COG4: variants seen among roughly 807,000 people sequenced by gnomAD.
COG4 encodes the protein conserved oligomeric Golgi complex subunit 4.
COG4 carries 65 observed loss-of-function variants against 95.1 expected under a neutral mutation model. The observed-to-expected ratio is 0.68, with a 90% confidence interval of 0.56 to 0.84. The LOEUF is 0.84. Among genes scored for constraint, COG4 ranks in the 40% least tolerant of loss-of-function variants. COG4 has a pLI of 0.00. For missense variants in COG4, 1,045 were observed against 989.1 expected (o/e 1.06, Z -0.76); for synonymous variants, 421 against 374.8 (o/e 1.12, Z -1.42).
intron 12 of COG4, among the ~76,000 whole-genome samples, chr16:70,494,554 T>C (rs1277691809): frequency 1.3e-5 from 2 of 152,180 alleles, no homozygotes; most frequent in Non-Finnish European, 2.9e-5. Flanking sequence ...ACTGTGTTAA[T>C]GGGAGGTCCT....
At chr16:70,495,225 T>C (rs1040535920) in intron 12 of COG4, among the ~76,000 whole-genome samples, 6 of 145,912 alleles carry the variant, frequency 4.1e-5, no homozygotes, top group African/African-American at 1.3e-4. Context: ...ACCCAGTCTT[T>C]ACTAAAAAAA....
intron 5 of COG4, 113 bp from the exon 6 acceptor site, chr16:70,510,134 T>G: frequency 1.2e-6 from 1 of 848,022 alleles, no homozygotes; most frequent in Middle Eastern, 3.0e-4. Context: ...ACATTTCCCT[T>G]GATGTCTGGA....
At chr16:70,484,863 C>T (rs1359020846) in intron 13 of COG4, among the ~76,000 whole-genome samples, 2 of 152,128 alleles carry the variant, frequency 1.3e-5, no homozygotes, top group Non-Finnish European at 2.9e-5. Context: ...TGCCACTGCA[C>T]TCCAGCCCGG....
intron 14 of COG4, 106 bp from the exon 15 acceptor site, chr16:70,482,927 C>T (rs1309387701): frequency 4.9e-6 from 4 of 816,154 alleles, no homozygotes; most frequent in Non-Finnish European, 8.3e-6. Context: ...TCCCTTTCCT[C>T]TCCTCTCCCC....
At chr16:70,514,605 A>G in intron 3 of COG4, 96 bp from the exon 4 acceptor site, 1 of 982,142 alleles carries the variant, frequency 1.0e-6, no homozygotes, top group South Asian at 1.3e-5. Context: ...CTGATCAACC[A>G]TATGTCAATA....
rs758672690 is a variant in COG4 at position 70,483,907 on chromosome 16, G to A, written c.1773C>T (p.Asp591=). The A allele has an allele frequency of 6.2e-6, 10 of 1,613,386 alleles. No individual in the cohort carries two copies. The highest frequency in any genetic ancestry group is 7.6e-6 in the Non-Finnish European group (9 of 1,180,020). ...IGGEQAQAKF[D]SCLSDLAAVS... is the part of the protein sequence containing the mutation. ...CGGCGGCCAAGTCAGAAAGGCAGCT[G>A]TCAAACTTGGCCTGGGCCTGCTCCC... The change falls in exon 14 of 19, where the codon GAC becomes GAT. Residue 591 remains aspartate (D), a synonymous_variant. Coordinates refer to ENST00000323786, the MANE Select transcript of COG4 (RefSeq NM_015386.3).
Position 70,481,458 on chromosome 16 carries a change from C to G in COG4, c.2136G>C (p.Leu712=). ...TGGTAAGGTAGGCAATGAGCGACCT[C>G]AGCTCCTTGTCAAACTGCAGACCAC... ...RLGGLQFDKE[L]RSLIAYLTTV... is the part of the protein sequence containing the mutation. The change falls in exon 18 of 19, where the codon CTG becomes CTC. Residue 712 remains leucine, a synonymous_variant. Transcript: ENST00000323786. 6.2e-7 allele frequency: 1 copy of G among 1,612,816 alleles called. No individual in the cohort carries two copies. The highest frequency in any genetic ancestry group is 8.5e-7 in the Non-Finnish European group (1 of 1,179,996).
Position 70,481,817 on chromosome 16 carries a change from T to A in COG4, c.2053A>T (p.Ser685Cys). 1 of 1,614,072 alleles carries A rather than the reference T, an allele frequency of 6.2e-7. No individual in the cohort carries two copies. The highest frequency in any genetic ancestry group is 8.5e-7 in the Non-Finnish European group (1 of 1,180,024). ...IYDSLTGLMT[S>C]LVAVELEKVV... ...TTCTCCAACTCGACGGCAACAAGGC[T>A]AGTCATGAGGCCGGTTAGGCTGTCG... Residue 685 changes from serine (S) to cysteine (C), a missense_variant, in exon 17 of 19, where the codon AGC (serine) becomes TGC (cysteine). By Grantham distance (112) the Ser-to-Cys change is moderately radical. Coordinates refer to ENST00000323786, the MANE Select transcript of COG4 (RefSeq NM_015386.3).
In COG4 at chr16:70,480,788, C is replaced by T. The variant is rs1016904073; in HGVS notation, c.*222G>A. ...TGGCTTTCCCACCTCATTAGGAGCC[C>T]GCTTCTCTCGGTGGGGAGATGCTGC... On this transcript the variant is annotated 3_prime_UTR_variant, in exon 19 of 19. Coordinates refer to ENST00000323786, the MANE Select transcript of COG4 (RefSeq NM_015386.3). The T allele has an allele frequency of 1.5e-5, 9 of 581,976 alleles. No homozygotes were observed. Among genetic ancestry groups the T allele is most frequent in the Middle Eastern group, 4.7e-4 (1 of 2,138 alleles). 36.1% of individuals were successfully genotyped at this position (581,976 alleles called of 1,614,324 possible).
In COG4 at chr16:70,498,045, C is replaced by T. The variant is rs776689995; in HGVS notation, c.1206G>A (p.Lys402=). 3 of 1,608,214 alleles carry T rather than the reference C, an allele frequency of 1.9e-6. No individual in the cohort carries two copies. Among genetic ancestry groups the T allele is most frequent in the Non-Finnish European group, 2.6e-6 (3 of 1,174,614 alleles). Residue 402 remains lysine (K), a synonymous_variant, in exon 10 of 19, where the codon AAG becomes AAA. Coordinates refer to ENST00000323786, the MANE Select transcript of COG4 (RefSeq NM_015386.3). ...AGTTATTGAGGAGTTTGTCCAGACA[C>T]TTCTGGTGCTCTAGGGGACAGCCAA... The part of the protein sequence containing the change: ...ASEEVKQEHQ[K]CLDKLLNNCL...
chr16:70,482,505 A>T, intron 15 of COG4: 1 of 619,204 alleles, frequency 1.6e-6, no homozygotes, highest in South Asian at 1.9e-5. Flanking sequence ...AAGAGCTCCA[A>T]TAAGGGAATA....
rs372162273 is a variant in COG4, at chr16:70,483,841, C to G, written c.1827+12G>C. ...GCACAGGATTCAGTCAGCAGTTGAA[C>G]CTGGGGCTTACCTGCAAGAGGTCTC... On this transcript the variant is annotated intron_variant, in intron 14 of 18. Transcript: ENST00000323786. 1.7e-4 allele frequency: 267 copies of G among 1,595,642 alleles called. No homozygotes were observed. Among genetic ancestry groups the G allele is most frequent in the Admixed American group, 6.0e-4 (36 of 59,984 alleles).
At chr16:70,515,817 T>C (rs368527027) in intron 3 of COG4, 4 of 325,996 alleles carry the variant, frequency 1.2e-5, no homozygotes, top group South Asian at 5.0e-5. Context: ...GTAAGTATGA[T>C]ATTAGCTGAG....
At position 70,510,064 on chromosome 16, in the gene COG4, C is replaced by T. The variant is rs750093682; in HGVS notation, c.739-43G>A. ...CCACACACATTCCTCAGAAAGGTCA[C>T]CCTCATACCAGGTATATCTCAGTTT... On this transcript the variant is annotated intron_variant, in intron 5 of 18. Coordinates refer to ENST00000323786, the MANE Select transcript of COG4 (RefSeq NM_015386.3). 8 of 1,506,430 alleles carry T rather than the reference C, an allele frequency of 5.3e-6. No homozygotes were observed. In the African/African-American group the frequency reaches 6.9e-5, roughly 13 times the overall value. The allele number at this position is 1,506,430 out of a possible 1,614,324, so 93.3% of individuals were successfully genotyped here. A position where few individuals can be genotyped will look rare whatever the true frequency, so the allele number is the denominator to read the frequency against.
chr16:70,497,478 CT>C, intron 10 of COG4, 91 bp from the exon 11 acceptor site: 1 of 1,217,650 alleles, frequency 8.2e-7, no homozygotes, highest in Non-Finnish European at 1.2e-6. Context: ...GCTCTGCTCC[CT>C]TTTCTGTACC....
At chr16:70,485,593 T>G (rs1183698010) in intron 13 of COG4, among the ~76,000 whole-genome samples, 6 of 150,396 alleles carry the variant, frequency 4.0e-5, no homozygotes, top group Non-Finnish European at 8.9e-5. Context: ...TTTTGTTTTT[T>G]TTTTTTTTTT....
chr16:70,521,566 C>A (rs983871282), intron 1 of COG4, among the ~76,000 whole-genome samples: 35 of 152,084 alleles, frequency 2.3e-4, no homozygotes, highest in African/African-American at 8.2e-4. Context: ...CAGAGGAAAA[C>A]GTCCTCTTGA....
At chr16:70,518,975 C>T (rs1384819155) in intron 2 of COG4, among the ~76,000 whole-genome samples, 1 of 138,390 alleles carries the variant, frequency 7.2e-6, no homozygotes, top group African/African-American at 3.1e-5. Flanking sequence ...GAAGCTCCAT[C>T]TCAAAAAAAA....
At position 70,521,863 on chromosome 16, in the gene COG4, G is replaced by A. The variant is rs565246853; in HGVS notation, c.171+1510C>T. On this transcript the variant is annotated intron_variant, in intron 1 of 18. Transcript: ENST00000323786. The stretch of plus-strand genomic sequence containing the variant: ...ACTACAGGCGCCCGCCACCACGCCC[G>A]GCTAATTTTTTGTATTTTTAGTAGA... Among the ~76,000 whole-genome samples, 10 of 151,094 alleles carry A rather than the reference G, an allele frequency of 6.6e-5. No homozygotes were observed. In the South Asian group the frequency reaches 1.3e-3, roughly 19 times the overall value.
Sources: allele counts gnomAD v4.1 joint callset (sites outside exome capture counted in the v4.1 genomes callset), GRCh38; gene constraint gnomAD v4.1.1; transcripts MANE v1.5; gene names NCBI Gene and HGNC (gene_info 2026-07-23, HGNC 2026-07-21).